Variants in ABCC4 observed in about 807,000 individuals in gnomAD.
The protein encoded by ABCC4 is ATP binding cassette subfamily C member 4 (PEL blood group), also known as ATP-binding cassette sub-family C member 4.
In ABCC4, 102 loss-of-function variants were observed where a neutral mutation model predicts 168.5. The ratio of observed to expected loss-of-function variants is 0.61; its 90% CI spans 0.52 to 0.71. ABCC4 has a LOEUF of 0.71. ABCC4 is among the 30% of genes least tolerant of loss of function. The pLI is 0.00. For synonymous variants in ABCC4, 617 were observed against 590.7 expected, an observed-to-expected ratio of 1.04 and a Z score of -0.65; for missense variants, 1,402 against 1,605.8, an observed-to-expected ratio of 0.87 and a Z score of 2.17.
At chr13:95,158,719 G>C (rs761235887) in intron 19 of ABCC4, among the ~76,000 whole-genome samples, 1 of 152,068 alleles carries the variant, frequency 6.6e-6, no homozygotes, top group Non-Finnish European at 1.5e-5. Context: ...GTATGTTTAA[G>C]AGTACTGAAA....
intron 20 of ABCC4, among the ~76,000 whole-genome samples, chr13:95,085,746 C>T (rs145239697): frequency 9.2e-5 from 14 of 152,314 alleles, no homozygotes; most frequent in African/African-American, 3.1e-4. Flanking sequence ...GGTACAATTG[C>T]CCTGCCCTCC....
intron 25 of ABCC4, among the ~76,000 whole-genome samples, chr13:95,064,297 T>TATATATAC (rs1555306881): frequency 2.8e-5 from 3 of 105,342 alleles, no homozygotes; most frequent in East Asian, 4.7e-4. Context: ...TATATATATA[T>TATATATAC]ACACACACAC....
chr13:95,043,022 G>A (rs1399763121), intron 29 of ABCC4, among the ~76,000 whole-genome samples: 2 of 152,062 alleles, frequency 1.3e-5, no homozygotes, highest in African/African-American at 4.8e-5. Context: ...TGCCTGCCTC[G>A]GCCTCCTAAA....
At chr13:95,217,684 A>G (rs1287210709) in intron 4 of ABCC4, among the ~76,000 whole-genome samples, 2 of 70,444 alleles carry the variant, frequency 2.8e-5, no homozygotes, top group African/African-American at 7.5e-5. Flanking sequence ...CAGTGAGCCA[A>G]GATTGCGCCA....
At chr13:95,151,242 G>T (rs966103529) in intron 19 of ABCC4, among the ~76,000 whole-genome samples, 4 of 152,086 alleles carry the variant, frequency 2.6e-5, no homozygotes, top group Non-Finnish European at 5.9e-5. Flanking sequence ...ACTTTGGGAG[G>T]CTGAAGGCAG....
At chr13:95,186,394 G>T (rs866329777) in intron 11 of ABCC4, among the ~76,000 whole-genome samples, 1 of 152,072 alleles carries the variant, frequency 6.6e-6, no homozygotes, top group Non-Finnish European at 1.5e-5. Flanking sequence ...GCAGGTTCAA[G>T]ACACCCTTCT....
At position 95,273,745 on chromosome 13, in the gene ABCC4, G is replaced by A. The variant is rs559555684; in HGVS notation, c.75-25992C>T. ...TGGGAGATAATTGAATCATGGGGGC[G>A]GGTCTTTCCTGTGCTGTTCTTGTGA... On this transcript the variant is annotated intron_variant, in intron 1 of 30. Transcript: ENST00000645237. Among the ~76,000 whole-genome samples the A allele has an allele frequency of 2.5e-3, 381 of 151,848 alleles. 2 individuals carry two copies. The highest frequency in any genetic ancestry group is 8.7e-3 in the African/African-American group (361 of 41,398).
chr13:95,294,955 A>G (rs1594458951), intron 1 of ABCC4, among the ~76,000 whole-genome samples: 4 of 152,266 alleles, frequency 2.6e-5, no homozygotes, highest in Admixed American at 2.6e-4. Flanking sequence ...ACTCCATCTC[A>G]AAAATTAAAA....
chr13:95,112,892 C>G (rs1179137109), intron 20 of ABCC4, among the ~76,000 whole-genome samples: 1 of 152,128 alleles, frequency 6.6e-6, no homozygotes, highest in African/African-American at 2.4e-5. Flanking sequence ...AAACCCAGGG[C>G]CCCAGTGTCC....
In ABCC4 at chr13:95,290,705, C is replaced by CA. The variant is rs55933951; in HGVS notation, c.74+10535dup. Among the ~76,000 whole-genome samples, 278 of 56,028 alleles carry CA rather than the reference C, an allele frequency of 5.0e-3. 13 individuals carry two copies. The highest frequency in any genetic ancestry group is 7.2e-3 in the Non-Finnish European group (232 of 32,178). 36.8% of individuals were successfully genotyped at this position (56,028 alleles called of 152,430 possible). On this transcript the variant is annotated intron_variant, in intron 1 of 30. Transcript: ENST00000645237. The stretch of plus-strand genomic sequence containing the variant: ...GGGCAACAAGAGCAAAACTCTGTCT[C>CA]AAAAAAAAAAAAAAAAAAAAAAAAA...
At chr13:95,061,384 A>G (rs888781414) in intron 26 of ABCC4, among the ~76,000 whole-genome samples, 1 of 152,142 alleles carries the variant, frequency 6.6e-6, no homozygotes, top group African/African-American at 2.4e-5. Flanking sequence ...CGTGATTCCA[A>G]TTGTTTTAGA....
intron 4 of ABCC4, among the ~76,000 whole-genome samples, chr13:95,230,160 T>C (rs1170266148): frequency 6.6e-6 from 1 of 152,206 alleles, no homozygotes; most frequent in Admixed American, 6.5e-5. Context: ...TCACTTAAAA[T>C]ACAGCCTGTG....
chr13:95,163,264 G>T (rs1215582898), intron 17 of ABCC4, 48 bp from the exon 18 acceptor site: 1 of 1,276,516 alleles, frequency 7.8e-7, no homozygotes. Context: ...ATGAAATTTA[G>T]ATAAATACAT....
intron 1 of ABCC4, among the ~76,000 whole-genome samples, chr13:95,264,901 C>G (rs1363686631): frequency 7.7e-6 from 1 of 130,350 alleles, no homozygotes; most frequent in African/African-American, 2.9e-5. Flanking sequence ...CAGAGTTTTG[C>G]TCTTTCTCTC....
intron 27 of ABCC4, among the ~76,000 whole-genome samples, chr13:95,048,832 GC>G (rs1457299302): frequency 2.6e-5 from 4 of 152,158 alleles, no homozygotes; most frequent in Non-Finnish European, 1.5e-5. Flanking sequence ...ATAACGTGCT[GC>G]TGATTCATTT....
chr13:95,081,034 TCCAA>T (rs949487897), intron 21 of ABCC4, among the ~76,000 whole-genome samples: 4 of 147,254 alleles, frequency 2.7e-5, no homozygotes, highest in Non-Finnish European at 4.6e-5. Context: ...AGTAAATAGT[TCCAA>T]CCAACCAGCC....
At chr13:95,260,835 T>C (rs2040514295) in intron 1 of ABCC4, among the ~76,000 whole-genome samples, 1 of 151,950 alleles carries the variant, frequency 6.6e-6, no homozygotes, top group Non-Finnish European at 1.5e-5. Context: ...AGTCAGGAAT[T>C]GGATTTGAAA....
At chr13:95,234,513 A>G in intron 4 of ABCC4, 97 bp downstream of exon 4, 1 of 974,022 alleles carries the variant, frequency 1.0e-6, no homozygotes, top group Non-Finnish European at 1.6e-6. Context: ...GCTGGAGTGC[A>G]GTGGCTATTT....
chr13:95,098,973 A>G (rs528679211), intron 20 of ABCC4, among the ~76,000 whole-genome samples: 1 of 152,276 alleles, frequency 6.6e-6, no homozygotes, highest in East Asian at 1.9e-4. Flanking sequence ...TCATAGTTTG[A>G]TTTTTGGTTT....
Sources: gnomAD v4.1 joint callset for allele counts (sites outside exome capture counted in the v4.1 genomes callset) on GRCh38, gnomAD v4.1.1 for gene constraint, MANE v1.5 for transcripts, NCBI Gene and HGNC (gene_info 2026-07-23, HGNC 2026-07-21) for gene names.